GULP1: variants seen among roughly 807,000 people sequenced by gnomAD.
GULP1 encodes PTB domain-containing engulfment adapter protein 1.
Under a neutral mutation model 40.9 loss-of-function variants are expected in GULP1, and 19 were observed. That is an observed-to-expected ratio of 0.46 (90% CI 0.32 to 0.68). The LOEUF (loss-of-function observed/expected upper bound fraction) is 0.68, where lower values mean the gene tolerates loss of function less well. Among genes scored for constraint, GULP1 ranks in the 30% least tolerant of loss-of-function variants. The pLI is 0.03. For synonymous variants in GULP1, 119 were observed against 117.6 expected (o/e 1.01, Z -0.08); for missense variants, 312 against 362.2 (o/e 0.86, Z 1.12).
In GULP1 at chr2:188,526,085, A is replaced by G. The variant is rs535755322; in HGVS notation, c.163-3012A>G. 4.6e-5 allele frequency among the ~76,000 whole-genome samples: 7 copies of G among 152,276 alleles called. No homozygotes were observed. The South Asian group carries it at 1.5e-3, about 32-fold the overall frequency. On this transcript the variant is annotated intron_variant, in intron 5 of 11. Coordinates refer to ENST00000409830, the MANE Select transcript of GULP1 (RefSeq NM_016315.4). ...CACTTTTTAAAAAGTCCTCTGAGAAATGGATAGAAATTATATAATAAGATT... is the reference window on the plus strand; with the variant it reads ...CACTTTTTAAAAAGTCCTCTGAGAAGTGGATAGAAATTATATAATAAGATT...
intron 2 of GULP1, among the ~76,000 whole-genome samples, chr2:188,424,725 CTTTAT>C (rs2055927589): frequency 6.6e-6 from 1 of 151,772 alleles, no homozygotes; most frequent in African/African-American, 2.4e-5. Flanking sequence ...TTTTATATGT[CTTTAT>C]TTTAGTCTCT....
rs1280431321 is a variant in GULP1 at position 188,529,324 on chromosome 2, C to T, written c.261+129C>T. 10 of 506,318 alleles carry T rather than the reference C, an allele frequency of 2.0e-5. 1 individual carries two copies. Among genetic ancestry groups the T allele is most frequent in the Non-Finnish European group, 2.8e-5 (8 of 285,332 alleles). The allele number at this position is 506,318 out of a possible 1,614,324, so 31.4% of individuals were successfully genotyped here. A position where few individuals can be genotyped will look rare whatever the true frequency, so the allele number is the denominator to read the frequency against. ...TCTGAGTTAATGACAGTTCGAAACTCTAGGAGTTTTAGAAGTGAAAACAAC... is the reference window on the plus strand; with the variant it reads ...TCTGAGTTAATGACAGTTCGAAACTTTAGGAGTTTTAGAAGTGAAAACAAC... On this transcript the variant is annotated intron_variant, in intron 6 of 11. Coordinates refer to ENST00000409830, the MANE Select transcript of GULP1 (RefSeq NM_016315.4).
At chr2:188,507,538 C>G (rs7422739) in intron 4 of GULP1, among the ~76,000 whole-genome samples, 118,810 of 151,400 alleles carry the variant, frequency 0.78, 48,193 homozygotes, top group South Asian at 0.96. Flanking sequence ...ATGCTATGTT[C>G]TTGCCCATAC....
intron 2 of GULP1, among the ~76,000 whole-genome samples, chr2:188,456,237 A>C (rs1450118694): frequency 6.6e-6 from 1 of 152,172 alleles, no homozygotes; most frequent in Non-Finnish European, 1.5e-5. Flanking sequence ...TAAGAATGTT[A>C]ATCACCAAGA....
At chr2:188,552,022 A>AT (rs896148708) in intron 7 of GULP1, among the ~76,000 whole-genome samples, 46 of 147,078 alleles carry the variant, frequency 3.1e-4, no homozygotes, top group East Asian at 5.9e-4. Flanking sequence ...AAATGGGAAC[A>AT]TTTTTTTTTT....
intron 1 of GULP1, chr2:188,297,346 A>G (rs536155580): frequency 2.7e-6 from 1 of 376,100 alleles, no homozygotes; most frequent in Admixed American, 4.0e-5. Flanking sequence ...TACTGTAAGA[A>G]GGTAAATTCA....
At chr2:188,429,960 C>T (rs951319826) in intron 2 of GULP1, among the ~76,000 whole-genome samples, 7 of 152,202 alleles carry the variant, frequency 4.6e-5, no homozygotes, top group South Asian at 4.1e-4. Context: ...CCACCTGCCT[C>T]GGCCTCCCAA....
At chr2:188,410,643 A>G (rs1046645228) in intron 2 of GULP1, among the ~76,000 whole-genome samples, 1 of 152,082 alleles carries the variant, frequency 6.6e-6, no homozygotes, top group African/African-American at 2.4e-5. Flanking sequence ...AACCACAATG[A>G]GCTATCATCT....
At chr2:188,306,474 G>A (rs549954637) in intron 1 of GULP1, among the ~76,000 whole-genome samples, 9 of 152,212 alleles carry the variant, frequency 5.9e-5, no homozygotes, top group Admixed American at 2.0e-4. Flanking sequence ...TTATAAAAAC[G>A]TTCTCTTGGC....
intron 1 of GULP1, among the ~76,000 whole-genome samples, chr2:188,337,041 T>G (rs1033558478): frequency 1.3e-5 from 2 of 152,172 alleles, no homozygotes; most frequent in Non-Finnish European, 2.9e-5. Context: ...GTGAGTAGTT[T>G]CCCAGAATAG....
At chr2:188,361,940 T>C (rs1392577647) in intron 1 of GULP1, among the ~76,000 whole-genome samples, 3 of 152,018 alleles carry the variant, frequency 2.0e-5, no homozygotes, top group Non-Finnish European at 4.4e-5. Context: ...TTAATTCTAT[T>C]TCCTGCTTAT....
intron 7 of GULP1, among the ~76,000 whole-genome samples, chr2:188,555,368 G>A (rs972283496): frequency 2.0e-5 from 3 of 152,008 alleles, no homozygotes; most frequent in Admixed American, 1.3e-4. Context: ...TTGTTTCCAG[G>A]TTTAAGACTT....
intron 6 of GULP1, among the ~76,000 whole-genome samples, chr2:188,535,546 T>C (rs955578112): frequency 2.6e-5 from 4 of 151,708 alleles, no homozygotes; most frequent in South Asian, 4.1e-4. Flanking sequence ...CATGGTATTC[T>C]GTGGTACATA....
At chr2:188,318,559 G>A (rs2039485499) in intron 1 of GULP1, among the ~76,000 whole-genome samples, 1 of 152,138 alleles carries the variant, frequency 6.6e-6, no homozygotes, top group Admixed American at 6.6e-5. Context: ...TTGAGGACTA[G>A]CTAAAGCAAG....
intron 1 of GULP1, among the ~76,000 whole-genome samples, chr2:188,314,393 A>T (rs749070615): frequency 6.6e-6 from 1 of 152,092 alleles, no homozygotes; most frequent in Non-Finnish European, 1.5e-5. Flanking sequence ...AATAGAACCC[A>T]TGTCCTAGTG....
intron 1 of GULP1, among the ~76,000 whole-genome samples, chr2:188,307,476 T>G (rs1166014941): frequency 1.3e-5 from 2 of 152,006 alleles, no homozygotes; most frequent in Admixed American, 1.3e-4. Flanking sequence ...TAGTAGGAAG[T>G]TTACAATGTA....
intron 2 of GULP1, among the ~76,000 whole-genome samples, chr2:188,411,020 C>T (rs370874773): frequency 6.6e-6 from 1 of 152,114 alleles, no homozygotes; most frequent in Non-Finnish European, 1.5e-5. Flanking sequence ...CATAATTGCT[C>T]TCTACTTGGG....
intron 2 of GULP1, among the ~76,000 whole-genome samples, chr2:188,433,159 G>A (rs552395175): frequency 6.6e-6 from 1 of 152,202 alleles, no homozygotes; most frequent in Admixed American, 6.5e-5. Flanking sequence ...AAAAACCCCA[G>A]CATGCCCTTG....
At chr2:188,512,540 TA>T (rs2064696953) in intron 4 of GULP1, among the ~76,000 whole-genome samples, 1 of 152,108 alleles carries the variant, frequency 6.6e-6, no homozygotes, top group Admixed American at 6.6e-5. Flanking sequence ...TTTAGCTATT[TA>T]ATTGTTATTT....
Sources: allele counts gnomAD v4.1 joint callset (sites outside exome capture counted in the v4.1 genomes callset), GRCh38; gene constraint gnomAD v4.1.1; transcripts MANE v1.5; gene names NCBI Gene and HGNC (gene_info 2026-07-23, HGNC 2026-07-21).